Variants in GPR155 observed in about 807,000 individuals in gnomAD.
GPR155 encodes lysosomal cholesterol signaling protein.
GPR155 carries 65 observed loss-of-function variants against 93.1 expected under a neutral mutation model. That is an observed-to-expected ratio of 0.70 (90% CI 0.57 to 0.86). The LOEUF is 0.86. Among genes scored for constraint, GPR155 ranks in the 40% least tolerant of loss-of-function variants. The pLI is 0.00. For missense variants in GPR155, 838 were observed against 1,034.8 expected (o/e 0.81, Z 2.61); for synonymous variants, 319 against 360.1 (o/e 0.89, Z 1.29).
intron 15 of GPR155, among the ~76,000 whole-genome samples, chr2:174,438,572 ATC>A (rs200363161): frequency 0.015 from 2,275 of 152,214 alleles, 64 homozygotes; most frequent in African/African-American, 0.053. Flanking sequence ...CAGTGGCGTG[ATC>A]TCAGCTCATT....
intron 2 of GPR155, among the ~76,000 whole-genome samples, chr2:174,478,153 G>A (rs1369530053): frequency 1.3e-5 from 2 of 152,260 alleles, no homozygotes; most frequent in South Asian, 2.1e-4. Flanking sequence ...ATTTTGCCAC[G>A]GGAGATTCTT....
chr2:174,446,663 T>C lies in GPR155; in HGVS notation c.1961A>G (p.Gln654Arg). 1 of 1,614,036 alleles carries C rather than the reference T, an allele frequency of 6.2e-7. No homozygotes were observed. The highest frequency in any genetic ancestry group is 8.5e-7 in the Non-Finnish European group (1 of 1,179,890). The change falls in exon 12 of 16, where the codon CAA becomes CGA. Residue 654 changes from glutamine (Q) to arginine (R), a missense_variant. Transcript: ENST00000392552. ...ACACAGCAACACATGTCGGGTCAGTTGCTGGTCTCCACTCTGTAGATACTG... is the reference window on the plus strand; with the variant it reads ...ACACAGCAACACATGTCGGGTCAGTCGCTGGTCTCCACTCTGTAGATACTG... ...EEQYLQSGDQ[Q>R]LTRHVLLCLL...
At chr2:174,440,942 A>ATT (rs1686941103) in intron 14 of GPR155, among the ~76,000 whole-genome samples, 1 of 152,222 alleles carries the variant, frequency 6.6e-6, no homozygotes, top group African/African-American at 2.4e-5. Flanking sequence ...TTGTCAAAGG[A>ATT]GACAGACAAT....
Position 174,432,920 on chromosome 2 carries a change from C to A in GPR155, c.*3196G>T, listed in dbSNP as rs944321980. 1.3e-5 allele frequency: 2 copies of A among 151,822 alleles called. No individual in the cohort carries two copies. Among genetic ancestry groups the A allele is most frequent in the African/African-American group, 4.8e-5 (2 of 41,302 alleles). 9.4% of individuals were successfully genotyped at this position (151,822 alleles called of 1,614,324 possible). A position where few individuals can be genotyped will look rare whatever the true frequency, so the allele number is the denominator to read the frequency against. ...CTGGGACTATAGGTGCCCACCACCA[C>A]GTCTGGCTAATTTTTTGTATTTTTA... On this transcript the variant is annotated 3_prime_UTR_variant, in exon 16 of 16. Coordinates refer to ENST00000392552, the MANE Select transcript of GPR155 (RefSeq NM_152529.7).
chr2:174,456,359 C>T (rs895814309), intron 10 of GPR155, among the ~76,000 whole-genome samples: 5 of 151,094 alleles, frequency 3.3e-5, no homozygotes, highest in African/African-American at 1.2e-4. Context: ...GGCCAGAGTG[C>T]AGTGGTGCAC....
chr2:174,455,841 A>T lies in GPR155; in HGVS notation c.1772-2000T>A, dbSNP rs115883389. ...CACGTATTCAGAAAGAGACGTAAAT[A>T]ATTTTTTATTTTTTTTTTAGATGAA... On this transcript the variant is annotated intron_variant, in intron 10 of 15. Transcript: ENST00000392552. Among the ~76,000 whole-genome samples, 1,165 of 152,242 alleles carry T rather than the reference A, an allele frequency of 7.7e-3. 16 individuals are homozygous for T. The highest frequency in any genetic ancestry group is 0.026 in the African/African-American group (1,098 of 41,552).
chr2:174,465,965 C>T, intron 6 of GPR155, 63 bp from the exon 7 acceptor site: 1 of 704,552 alleles, frequency 1.4e-6, no homozygotes, highest in Non-Finnish European at 2.5e-6. Context: ...TTCAATACTG[C>T]AACAGAAAAT....
At position 174,446,629 on chromosome 2, in the gene GPR155, G is replaced by A. The variant is rs767679680; in HGVS notation, c.1995C>T (p.Leu665=). The change falls in exon 12 of 16, where the codon CTC becomes CTT. Residue 665 remains leucine (L), a synonymous_variant. Transcript: ENST00000392552. ...CCATTACAGCGAACAGGCCAATGAT[G>A]AGAAGTAAACACAGCAACACATGTC... ...LTRHVLLCLL[L]IIGLFANLSS... 5.0e-6 allele frequency: 8 copies of A among 1,613,410 alleles called. No individual in the cohort carries two copies. The South Asian group carries it at 6.6e-5, about 13-fold the overall frequency.
At chr2:174,442,224 A>G (rs763862813) in intron 13 of GPR155, 41 bp from the exon 14 acceptor site, 1 of 1,062,548 alleles carries the variant, frequency 9.4e-7, no homozygotes, top group South Asian at 1.3e-5. Flanking sequence ...GAATTCAACA[A>G]TAACATTTTA....
At chr2:174,453,227 T>TG (rs1687375828) in intron 11 of GPR155, among the ~76,000 whole-genome samples, 1 of 152,222 alleles carries the variant, frequency 6.6e-6, no homozygotes, top group Admixed American at 6.5e-5. Context: ...TTGTGAGAAC[T>TG]TTATTTTTTA....
At chr2:174,445,278 GA>G in intron 12 of GPR155, 102 bp from the exon 13 acceptor site, 1 of 633,114 alleles carries the variant, frequency 1.6e-6, no homozygotes, top group Non-Finnish European at 2.8e-6. Flanking sequence ...TAATTACAGG[GA>G]AAAAGACTAG....
intron 6 of GPR155, among the ~76,000 whole-genome samples, chr2:174,466,136 T>C (rs989323099): frequency 1.3e-5 from 2 of 152,336 alleles, no homozygotes. Context: ...ACAATATACA[T>C]ATCCAATTGA....
rs139824182 is a variant in GPR155, at chr2:174,481,749, C to G, written c.208G>C (p.Ala70Pro). The change falls in exon 2 of 16, where the codon GCC (alanine) becomes CCC (proline). Residue 70 changes from alanine (A) to proline (P), a missense_variant. Transcript: ENST00000392552. Reference protein sequence around the residue: ...GRANVITSTQAKGLGNFVSRF... With the variant: ...GRANVITSTQPKGLGNFVSRF... ...GAGACAAAATTTCCTAGTCCTTTGG[C>G]CTGGGTTGATGTTATGACATTGGCC... 1 of 1,614,032 alleles carries G rather than the reference C, an allele frequency of 6.2e-7. No individual in the cohort carries two copies. Among genetic ancestry groups the G allele is most frequent in the African/African-American group, 1.3e-5 (1 of 74,940 alleles).
At chr2:174,446,885 G>A in intron 11 of GPR155, 138 bp from the exon 12 acceptor site, 1 of 767,610 alleles carries the variant, frequency 1.3e-6, no homozygotes, top group Non-Finnish European at 2.1e-6. Context: ...GATGAAATTG[G>A]AAGAAAGCTC....
chr2:174,484,071 G>C (rs576562157), intron 1 of GPR155, among the ~76,000 whole-genome samples: 1 of 152,284 alleles, frequency 6.6e-6, no homozygotes, highest in Admixed American at 6.5e-5. Context: ...TAGCTGGCGT[G>C]GGTACAAGGG....
intron 10 of GPR155, among the ~76,000 whole-genome samples, chr2:174,454,693 GGGAAAGGAAGGAAA>G (rs1245830676): frequency 3.2e-4 from 45 of 138,564 alleles, no homozygotes; most frequent in African/African-American, 1.3e-3. Context: ...AGGGAAGGAA[GGGAAAGGAAGGAAA>G]GGAAAGGAAG....
intron 7 of GPR155, among the ~76,000 whole-genome samples, chr2:174,461,999 G>T (rs745432922): frequency 7.9e-5 from 12 of 152,082 alleles, no homozygotes; most frequent in Non-Finnish European, 1.2e-4. Context: ...GCAGAGGTGT[G>T]ATCACAGCTC....
intron 10 of GPR155, among the ~76,000 whole-genome samples, chr2:174,459,449 T>C (rs1222543526): frequency 6.6e-6 from 1 of 152,246 alleles, no homozygotes; most frequent in East Asian, 1.9e-4. Context: ...TGACTATGAT[T>C]CAAATTCTTC....
rs776873001 is a variant in GPR155, at chr2:174,453,761, G to T, written c.1852C>A (p.Pro618Thr). ...EPIANTSTSE[P>T]VIPSFEKNNH... ...CTTTTCTCAAACGAAGGAATCACAG[G>T]CTCACTGGTGCTTGTGTTTGCTATT... Residue 618 changes from proline (P) to threonine (T), a missense_variant, in exon 11 of 16, where the codon CCT (proline) becomes ACT (threonine). Coordinates refer to ENST00000392552, the MANE Select transcript of GPR155 (RefSeq NM_152529.7). The T allele has an allele frequency of 1.9e-6, 3 of 1,610,954 alleles. No individual in the cohort carries two copies. The South Asian group carries it at 3.3e-5, about 18-fold the overall frequency.
Sources: allele counts gnomAD v4.1 joint callset (sites outside exome capture counted in the v4.1 genomes callset), GRCh38; gene constraint gnomAD v4.1.1; transcripts MANE v1.5; gene names NCBI Gene and HGNC (gene_info 2026-07-23, HGNC 2026-07-21).